Variants in DYRK3 observed in about 807,000 individuals in gnomAD.
The protein encoded by DYRK3 is dual specificity tyrosine phosphorylation regulated kinase 3.
Under a neutral mutation model 40.8 loss-of-function variants are expected in DYRK3, and 30 were observed. That is an observed-to-expected ratio of 0.74 (90% CI 0.55 to 1.00). The LOEUF (loss-of-function observed/expected upper bound fraction) is 1.00. DYRK3 is among the 50% of genes least tolerant of loss of function. DYRK3 has a pLI of 0.00. For missense variants in DYRK3, 699 were observed against 731.5 expected (o/e 0.96, Z 0.51); for synonymous variants, 272 against 260.7 (o/e 1.04, Z -0.42).
chr1:206,636,603 A>C (rs549862388), intron 1 of DYRK3, among the ~76,000 whole-genome samples: 1 of 152,312 alleles, frequency 6.6e-6, no homozygotes, highest in African/African-American at 2.4e-5. Context: ...TTATATTTTT[A>C]TAACACATCT....
At position 206,635,548 on chromosome 1, in the gene DYRK3, G is replaced by C. The variant is rs1174870705; in HGVS notation, c.-156G>C. 9.1e-6 allele frequency: 9 copies of C among 991,604 alleles called. No homozygotes were observed. The highest frequency in any genetic ancestry group is 1.7e-5 in the African/African-American group (1 of 59,742). The allele number at this position is 991,604 out of a possible 1,614,324, so 61.4% of individuals were successfully genotyped here. A position where few individuals can be genotyped will look rare whatever the true frequency, so the allele number is the denominator to read the frequency against. ...GCTGCGTCTCCCCACTTCCCAGCCGGGGCCAGTCGGGAGCGAAAGTGCGCT... is the reference window on the plus strand; with the variant it reads ...GCTGCGTCTCCCCACTTCCCAGCCGCGGCCAGTCGGGAGCGAAAGTGCGCT... On this transcript the variant is annotated 5_prime_UTR_variant, in exon 1 of 3. Transcript: ENST00000367109.
intron 2 of DYRK3, among the ~76,000 whole-genome samples, chr1:206,645,350 A>G (rs115093725): frequency 8.9e-4 from 135 of 152,232 alleles, no homozygotes; most frequent in African/African-American, 3.2e-3. Context: ...GAAATTATCA[A>G]ACAGATAAAG....
In DYRK3 at chr1:206,654,136, A is replaced by C; in HGVS notation, c.*5171A>C. Among the ~76,000 whole-genome samples the C allele has an allele frequency of 2.0e-5, 3 of 152,226 alleles. No individual in the cohort carries two copies. The East Asian group carries it at 5.8e-4, about 29-fold the overall frequency. ...AATACTCCTACTACTTTGGTGAATC[A>C]TGGAAAACTCTTTCTCCTTTATTTT... On this transcript the variant is annotated 3_prime_UTR_variant, in exon 3 of 3. Coordinates refer to ENST00000367109, the MANE Select transcript of DYRK3 (RefSeq NM_003582.4).
intron 2 of DYRK3, among the ~76,000 whole-genome samples, chr1:206,640,093 G>A (rs1209309993): frequency 6.6e-6 from 1 of 151,674 alleles, no homozygotes; most frequent in East Asian, 1.9e-4. Context: ...CTGCCACCAT[G>A]CCTGGCTAAT....
At position 206,650,813 on chromosome 1, in the gene DYRK3, A is replaced by G. The variant is rs1671612759; in HGVS notation, c.*1848A>G. Among the ~76,000 whole-genome samples, 1 of 152,246 alleles carries G rather than the reference A, an allele frequency of 6.6e-6. No homozygotes were observed. The highest frequency in any genetic ancestry group is 1.9e-4 in the East Asian group (1 of 5,202). On this transcript the variant is annotated 3_prime_UTR_variant, in exon 3 of 3. Transcript: ENST00000367109. ...AAATGAGAGAGTGCAAATCTCTCTC[A>G]TTTAAATGTCCACAGTGGCTTTAGT... is the stretch of plus-strand genomic sequence containing the variant.
Position 206,648,935 on chromosome 1 carries a change from A to G in DYRK3, c.1737A>G (p.Leu579=). 2 of 1,613,668 alleles carry G rather than the reference A, an allele frequency of 1.2e-6. No individual in the cohort carries two copies. Among genetic ancestry groups the G allele is most frequent in the Middle Eastern group, 1.6e-4 (1 of 6,062 alleles). ...LMSETNGSIP[L]CSVLPKLIS ...CAGAAACCAATGGTAGTATACCCCT[A>G]TGCAGTGTATTGCCAAAACTGATTA... Residue 579 remains leucine (L), a synonymous_variant, in exon 3 of 3, where the codon CTA becomes CTG. Coordinates refer to ENST00000367109, the MANE Select transcript of DYRK3 (RefSeq NM_003582.4).
In DYRK3 at chr1:206,648,804, G is replaced by C; in HGVS notation, c.1606G>C (p.Val536Leu). 6.2e-7 allele frequency: 1 copy of C among 1,614,210 alleles called. No individual in the cohort carries two copies. The highest frequency in any genetic ancestry group is 8.5e-7 in the Non-Finnish European group (1 of 1,180,028). ...CAGACCTCTCACCACCATAGACAAG[G>C]TGTCAGGGAAACGGGTAGTTAATCC... The part of the protein sequence containing the change: ...VPRPLTTIDK[V>L]SGKRVVNPAS... Residue 536 changes from valine to leucine, a missense_variant, in exon 3 of 3, where the codon GTG becomes CTG. Val to Leu is a conservative substitution (Grantham distance 32). Coordinates refer to ENST00000367109, the MANE Select transcript of DYRK3 (RefSeq NM_003582.4).
rs199631466 is a variant in DYRK3 at position 206,636,974 on chromosome 1, T to G, written c.78-676T>G. The G allele has an allele frequency of 8.8e-6, 14 of 1,591,316 alleles. No homozygotes were observed. The African/African-American group carries it at 1.7e-4, about 20-fold the overall frequency. ...AAAATGAAGTGGAAAGAGAAGTAAA[T>G]TCAATACATTTTATAATTTAGAGCA... On this transcript the variant is annotated intron_variant, in intron 1 of 2. Transcript: ENST00000367109.
At chr1:206,638,449 G>A (rs1671184729) in intron 2 of DYRK3, among the ~76,000 whole-genome samples, 1 of 151,406 alleles carries the variant, frequency 6.6e-6, no homozygotes, top group South Asian at 2.1e-4. Context: ...GCTAATTTTT[G>A]TATTTTTAGT....
At position 206,635,621 on chromosome 1, in the gene DYRK3, G is replaced by A. The variant is rs1671074222; in HGVS notation, c.-83G>A. 2.4e-6 allele frequency: 3 copies of A among 1,235,804 alleles called. No homozygotes were observed. Among genetic ancestry groups the A allele is most frequent in the South Asian group, 4.0e-5 (1 of 24,706 alleles). The allele number at this position is 1,235,804 out of a possible 1,614,324, so 76.6% of individuals were successfully genotyped here. On this transcript the variant is annotated 5_prime_UTR_variant, in exon 1 of 3. Coordinates refer to ENST00000367109, the MANE Select transcript of DYRK3 (RefSeq NM_003582.4). ...GTACCCGTGGGAGCGTCGCGCCGCG[G>A]AGGCAGCCGTCCCGGCGTAGGTGGC...
At chr1:206,639,465 A>AT (rs11400833) in intron 2 of DYRK3, among the ~76,000 whole-genome samples, 49,319 of 118,518 alleles carry the variant, frequency 0.42, 11,144 homozygotes, top group Admixed American at 0.45. Context: ...ATTTTAACTG[A>AT]TTTTTTTTTT....
chr1:206,646,184 G>A (rs907793857), intron 2 of DYRK3, among the ~76,000 whole-genome samples: 30 of 152,142 alleles, frequency 2.0e-4, no homozygotes, highest in African/African-American at 7.2e-4. Flanking sequence ...CCAGTATGAT[G>A]TTTTGATACA....
chr1:206,647,400 C>A lies in DYRK3; in HGVS notation c.202C>A (p.Gln68Lys). 2 of 1,598,850 alleles carry A rather than the reference C, an allele frequency of 1.3e-6. No homozygotes were observed. Among genetic ancestry groups the A allele is most frequent in the East Asian group, 2.2e-5 (1 of 44,702 alleles). ...TTCTCTTTCATAGATGACCACTGAG[C>A]AGTTTACAGGAGATCATACTCAGCA... is the stretch of plus-strand genomic sequence containing the variant. ...PPRRLNMTTEQFTGDHTQHFL... is the reference protein window; with the variant it reads ...PPRRLNMTTEKFTGDHTQHFL... The change falls in exon 3 of 3, where the codon CAG (glutamine) becomes AAG (lysine). Residue 68 changes from glutamine (Q) to lysine (K), a missense_variant. Transcript: ENST00000367109.
In DYRK3 at chr1:206,644,031, C is replaced by CTTTTTTTTTTTTTTTT. The variant is rs556718022; in HGVS notation, c.190-3351_190-3336dup. 3.3e-3 allele frequency among the ~76,000 whole-genome samples: 331 copies of CTTTTTTTTTTTTTTTT among 101,036 alleles called. 29 individuals carry two copies. The highest frequency in any genetic ancestry group is 0.011 in the African/African-American group (289 of 26,436). The allele number at this position is 101,036 out of a possible 152,430, so 66.3% of individuals were successfully genotyped here. A position where few individuals can be genotyped will look rare whatever the true frequency, so the allele number is the denominator to read the frequency against. On this transcript the variant is annotated intron_variant, in intron 2 of 2. Coordinates refer to ENST00000367109, the MANE Select transcript of DYRK3 (RefSeq NM_003582.4). ...TCAGGAAGGCAACAGGGACCTACAG[C>CTTTTTTTTTTTTTTTT]TTTTTTTTTTTTTTTTTTTTTGAGA...
In DYRK3 at chr1:206,647,647, A is replaced by C; in HGVS notation, c.449A>C (p.Tyr150Ser). ...PLTPEQALKQ[Y>S]KHHLTAYEKL... ...ACTCCAGAACAAGCCCTGAAGCAATATAAACACCACCTCACTGCCTATGAG... is the reference window on the plus strand; with the variant it reads ...ACTCCAGAACAAGCCCTGAAGCAATCTAAACACCACCTCACTGCCTATGAG... The change falls in exon 3 of 3, where the codon TAT becomes TCT. Residue 150 changes from tyrosine to serine, a missense_variant. Tyr to Ser is a moderately radical substitution (Grantham distance 144). Coordinates refer to ENST00000367109, the MANE Select transcript of DYRK3 (RefSeq NM_003582.4). 4.3e-6 allele frequency: 7 copies of C among 1,614,222 alleles called. No individual in the cohort carries two copies. The highest frequency in any genetic ancestry group is 5.1e-6 in the Non-Finnish European group (6 of 1,180,038).
intron 2 of DYRK3, among the ~76,000 whole-genome samples, chr1:206,646,352 T>C (rs1553420119): frequency 6.6e-6 from 1 of 152,200 alleles, no homozygotes; most frequent in Non-Finnish European, 1.5e-5. Context: ...AAAAACCTTG[T>C]TTCAGTTCAA....
chr1:206,643,780 C>T (rs1389122684), intron 2 of DYRK3, among the ~76,000 whole-genome samples: 2 of 151,904 alleles, frequency 1.3e-5, no homozygotes, highest in African/African-American at 4.8e-5. Flanking sequence ...GGAGATCAGG[C>T]TGGAGAAATG....
chr1:206,641,075 A>G (rs1447229877), intron 2 of DYRK3, among the ~76,000 whole-genome samples: 1 of 151,986 alleles, frequency 6.6e-6, no homozygotes, highest in African/African-American at 2.4e-5. Context: ...GACTAGAAAT[A>G]TTTAGTGTTT....
chr1:206,651,356 T>C lies in DYRK3; in HGVS notation c.*2391T>C, dbSNP rs1671627851. Among the ~76,000 whole-genome samples, 2 of 152,202 alleles carry C rather than the reference T, an allele frequency of 1.3e-5. No homozygotes were observed. The highest frequency in any genetic ancestry group is 4.8e-5 in the African/African-American group (2 of 41,434). On this transcript the variant is annotated 3_prime_UTR_variant, in exon 3 of 3. Coordinates refer to ENST00000367109, the MANE Select transcript of DYRK3 (RefSeq NM_003582.4). ...GAATTTTGCAGGTGCTAAATCATCA[T>C]GGCCAGGAAGATGAAACACCTTGAG...
Sources: gnomAD v4.1 joint callset for allele counts (sites outside exome capture counted in the v4.1 genomes callset) on GRCh38, gnomAD v4.1.1 for gene constraint, MANE v1.5 for transcripts, NCBI Gene and HGNC (gene_info 2026-07-23, HGNC 2026-07-21) for gene names.